Variants in SPAG16 observed in about 807,000 individuals in gnomAD.
The protein encoded by SPAG16 is sperm associated antigen 16.
Under a neutral mutation model 80.4 loss-of-function variants are expected in SPAG16, and 86 were observed. The observed-to-expected ratio is 1.07, with a 90% CI of 0.90 to 1.28. SPAG16 has a LOEUF of 1.28. Ranked by LOEUF, SPAG16 falls within the 50% of genes most tolerant of loss-of-function variation. The probability of loss-of-function intolerance (pLI) is 0.00; values close to 1 mark genes in which losing one functional copy is unlikely to be tolerated. For missense variants in SPAG16, 870 were observed against 765.3 expected (o/e 1.14, Z -1.61); for synonymous variants, 294 against 265.9 (o/e 1.11, Z -1.03).
chr2:213,647,033 G>A (rs1387759997), intron 10 of SPAG16, among the ~76,000 whole-genome samples: 1 of 152,092 alleles, frequency 6.6e-6, no homozygotes, highest in Admixed American at 6.6e-5. Context: ...AAACATAGAT[G>A]AGTAAAAAGA....
chr2:213,802,625 T>C (rs974957421), intron 10 of SPAG16, among the ~76,000 whole-genome samples: 15 of 152,164 alleles, frequency 9.9e-5, no homozygotes, highest in Admixed American at 6.5e-5. Flanking sequence ...GCTTTTAATA[T>C]TGTACCAAAT....
chr2:213,956,346 C>A (rs1032693703), intron 12 of SPAG16, among the ~76,000 whole-genome samples: 5 of 151,544 alleles, frequency 3.3e-5, no homozygotes, highest in African/African-American at 1.2e-4. Flanking sequence ...TAGATTTAGG[C>A]TTAGTTTGTT....
At chr2:213,487,359 T>A (rs1289112721) in intron 9 of SPAG16, among the ~76,000 whole-genome samples, 1 of 151,664 alleles carries the variant, frequency 6.6e-6, no homozygotes, top group Non-Finnish European at 1.5e-5. Context: ...AAAGGTTATG[T>A]TTTTTTTGCT....
chr2:214,059,373 A>T (rs1240993133), intron 13 of SPAG16, among the ~76,000 whole-genome samples: 3 of 149,850 alleles, frequency 2.0e-5, no homozygotes, highest in African/African-American at 7.4e-5. Flanking sequence ...TTTCAACTCC[A>T]TTTGTTACCC....
At chr2:213,964,668 C>T (rs776520393) in intron 12 of SPAG16, among the ~76,000 whole-genome samples, 1 of 152,042 alleles carries the variant, frequency 6.6e-6, no homozygotes, top group Admixed American at 6.6e-5. Context: ...CTTAATTAAT[C>T]TACACATCCA....
At chr2:213,860,595 C>A (rs1896274) in intron 10 of SPAG16, among the ~76,000 whole-genome samples, 139,953 of 151,564 alleles carry the variant, frequency 0.92, 65,655 homozygotes, top group East Asian at 1. Flanking sequence ...AATAGGAGTC[C>A]AAGTTGTTTA....
chr2:214,215,287 T>A (rs1020364544), intron 15 of SPAG16, among the ~76,000 whole-genome samples: 3 of 152,000 alleles, frequency 2.0e-5, no homozygotes, highest in Admixed American at 6.6e-5. Flanking sequence ...CCAACCTTCC[T>A]CAAGATCCCT....
intron 15 of SPAG16, among the ~76,000 whole-genome samples, chr2:214,407,487 T>C (rs1434893973): frequency 6.6e-6 from 1 of 152,146 alleles, no homozygotes; most frequent in African/African-American, 2.4e-5. Context: ...TTTCATTCCA[T>C]TGACCAAGTT....
intron 10 of SPAG16, among the ~76,000 whole-genome samples, chr2:213,728,109 A>G (rs1255905360): frequency 6.6e-6 from 1 of 152,226 alleles, no homozygotes; most frequent in Non-Finnish European, 1.5e-5. Flanking sequence ...TCGGCCTCCC[A>G]AAGTGCTTGG....
chr2:214,392,251 C>T (rs1295631693), intron 15 of SPAG16, among the ~76,000 whole-genome samples: 1 of 152,026 alleles, frequency 6.6e-6, no homozygotes, highest in East Asian at 1.9e-4. Context: ...ACAACCTCTG[C>T]CTCAAGCAAT....
At chr2:213,645,452 CTTAG>C (rs1330360011) in intron 10 of SPAG16, among the ~76,000 whole-genome samples, 1 of 152,034 alleles carries the variant, frequency 6.6e-6, no homozygotes, top group African/African-American at 2.4e-5. Flanking sequence ...ACTAAGGAAT[CTTAG>C]TTAGCAGGTG....
intron 14 of SPAG16, among the ~76,000 whole-genome samples, chr2:214,146,160 C>T (rs573741087): frequency 6.6e-5 from 10 of 152,262 alleles, no homozygotes; most frequent in African/African-American, 2.2e-4. Flanking sequence ...TAAACTATAG[C>T]TTGACTGTCA....
chr2:213,722,627 T>C lies in SPAG16; in HGVS notation c.1071-139858T>C, dbSNP rs866859877. ...TGCTAAGGATGGTAATAAGAAGGAA[T>C]TTCACATGAGATCAGGATTATGATG... On this transcript the variant is annotated intron_variant, in intron 10 of 15. Coordinates refer to ENST00000331683, the MANE Select transcript of SPAG16 (RefSeq NM_024532.5). Among the ~76,000 whole-genome samples, 5 of 152,224 alleles carry C rather than the reference T, an allele frequency of 3.3e-5. No individual in the cohort carries two copies. The Middle Eastern group carries it at 0.01, about 311-fold the overall frequency.
At chr2:214,373,147 A>G (rs1020664515) in intron 15 of SPAG16, among the ~76,000 whole-genome samples, 5 of 152,172 alleles carry the variant, frequency 3.3e-5, no homozygotes, top group African/African-American at 1.2e-4. Context: ...TAATACAGGG[A>G]AATAATTGCT....
chr2:213,949,681 A>G (rs1274988772), intron 12 of SPAG16, among the ~76,000 whole-genome samples: 1 of 152,160 alleles, frequency 6.6e-6, no homozygotes, highest in African/African-American at 2.4e-5. Context: ...TAACTCCTAA[A>G]TTATTTACCA....
chr2:214,257,174 C>A (rs1456458893), intron 15 of SPAG16, among the ~76,000 whole-genome samples: 3 of 151,676 alleles, frequency 2.0e-5, no homozygotes, highest in Non-Finnish European at 4.4e-5. Context: ...ATATAGAATT[C>A]TCTAATTTTT....
At chr2:213,330,619 A>G (rs181507377) in intron 5 of SPAG16, among the ~76,000 whole-genome samples, 4 of 152,272 alleles carry the variant, frequency 2.6e-5, no homozygotes, top group African/African-American at 7.2e-5. Context: ...TGTCTCAGAT[A>G]AGACTTTGGA....
intron 9 of SPAG16, among the ~76,000 whole-genome samples, chr2:213,481,359 C>T (rs947919488): frequency 6.6e-6 from 1 of 152,090 alleles, no homozygotes; most frequent in Non-Finnish European, 1.5e-5. Context: ...TAATAGAATA[C>T]GTTTTTATTG....
intron 10 of SPAG16, among the ~76,000 whole-genome samples, chr2:213,820,041 G>C (rs1166231196): frequency 6.7e-6 from 1 of 150,054 alleles, no homozygotes; most frequent in East Asian, 2.0e-4. Context: ...GCCTCCCAAA[G>C]TGCTGGGATT....
Sources: gnomAD v4.1 joint callset for allele counts (sites outside exome capture counted in the v4.1 genomes callset) on GRCh38, gnomAD v4.1.1 for gene constraint, MANE v1.5 for transcripts, NCBI Gene and HGNC (gene_info 2026-07-23, HGNC 2026-07-21) for gene names.